The following HSD17B6 variants were observed in gnomAD, a reference collection of about 807,000 sequenced individuals.
HSD17B6 encodes the protein 17-beta-hydroxysteroid dehydrogenase type 6.
A neutral mutation model predicts 26.4 loss-of-function variants in HSD17B6; 16 were observed. That is an observed-to-expected ratio of 0.61 (90% CI 0.41 to 0.92). HSD17B6 has a LOEUF of 0.92. Ranked by LOEUF, HSD17B6 falls within the 40% of genes least tolerant of loss-of-function variation. The pLI is 0.00. For synonymous variants in HSD17B6, 139 were observed against 153.0 expected (o/e 0.91, Z 0.68); for missense variants, 357 against 386.1 (o/e 0.92, Z 0.63).
At chr12:56,768,656 GGTT>G (rs1478448047) in intron 1 of HSD17B6, among the ~76,000 whole-genome samples, 1 of 151,686 alleles carries the variant, frequency 6.6e-6, no homozygotes, top group Non-Finnish European at 1.5e-5. Flanking sequence ...GTAAACATGA[GGTT>G]GGGAAATTTT....
At chr12:56,783,727 G>T in intron 3 of HSD17B6, among the ~76,000 whole-genome samples, 1 of 146,910 alleles carries the variant, frequency 6.8e-6, no homozygotes, top group Admixed American at 6.7e-5. Context: ...GGGACGGCTG[G>T]CCGGGCAGAG....
chr12:56,769,608 G>T (rs1330389081), intron 1 of HSD17B6, among the ~76,000 whole-genome samples: 1 of 152,192 alleles, frequency 6.6e-6, no homozygotes, highest in African/African-American at 2.4e-5. Flanking sequence ...ACAATATGAT[G>T]TAAGAAAGCT....
chr12:56,766,213 ACT>A (rs575803712), intron 1 of HSD17B6, among the ~76,000 whole-genome samples: 31 of 151,200 alleles, frequency 2.1e-4, no homozygotes, highest in Admixed American at 5.9e-4. Context: ...CCCTTTGCTG[ACT>A]CTCTTTTCGG....
intron 1 of HSD17B6, among the ~76,000 whole-genome samples, chr12:56,769,105 T>G (rs1016796993): frequency 1.4e-5 from 2 of 146,140 alleles, no homozygotes; most frequent in Non-Finnish European, 3.0e-5. Context: ...TTTTCAAGGT[T>G]TTTTTTTTTT....
intron 1 of HSD17B6, among the ~76,000 whole-genome samples, chr12:56,773,230 T>C (rs772769126): frequency 1.3e-5 from 2 of 152,178 alleles, no homozygotes; most frequent in Non-Finnish European, 2.9e-5. Flanking sequence ...TCCACTGCCA[T>C]TGTGAGACAA....
Position 56,782,002 on chromosome 12 carries a change from C to T in HSD17B6, c.342C>T (p.Gly114=). The T allele has an allele frequency of 6.2e-7, 1 of 1,614,084 alleles. No individual in the cohort carries two copies. Among genetic ancestry groups the T allele is most frequent in the Non-Finnish European group, 8.5e-7 (1 of 1,179,968 alleles). Residue 114 remains glycine, a synonymous_variant, in exon 3 of 5, where the codon GGC becomes GGT. Transcript: ENST00000322165. ...TCTGGGGACTGGTGAACAATGCAGG[C>T]ATTCTTACACCAATTACCTTATGTG... is the stretch of plus-strand genomic sequence containing the variant. ...RGLWGLVNNA[G]ILTPITLCEW...
intron 1 of HSD17B6, among the ~76,000 whole-genome samples, chr12:56,769,821 G>A (rs541344967): frequency 5.0e-4 from 76 of 152,288 alleles, no homozygotes; most frequent in African/African-American, 1.8e-3. Context: ...AATATTCGAG[G>A]CACATTCAGG....
chr12:56,768,340 C>T (rs1329094330), intron 1 of HSD17B6, among the ~76,000 whole-genome samples: 2 of 151,910 alleles, frequency 1.3e-5, no homozygotes, highest in African/African-American at 4.8e-5. Flanking sequence ...GTGCAAGGAG[C>T]TCGTGGGTGG....
At chr12:56,786,641 G>A (rs908199233) in intron 4 of HSD17B6, among the ~76,000 whole-genome samples, 1 of 152,168 alleles carries the variant, frequency 6.6e-6, no homozygotes, top group African/African-American at 2.4e-5. Flanking sequence ...CTTGAGCCCA[G>A]GAATTCAAGA....
intron 1 of HSD17B6, among the ~76,000 whole-genome samples, chr12:56,767,557 A>T (rs937531163): frequency 6.8e-6 from 1 of 146,620 alleles, no homozygotes; most frequent in African/African-American, 2.5e-5. Flanking sequence ...CAAAAACAAA[A>T]TAATTGCATA....
intron 1 of HSD17B6, among the ~76,000 whole-genome samples, chr12:56,771,352 C>T (rs927576643): frequency 6.6e-6 from 1 of 151,974 alleles, no homozygotes; most frequent in African/African-American, 2.4e-5. Flanking sequence ...ATGATGGGAC[C>T]TGTCTTGTAG....
rs771218376 is a variant in HSD17B6, at chr12:56,787,244, G to T, written c.856G>T (p.Asp286Tyr). 1.2e-6 allele frequency: 2 copies of T among 1,614,104 alleles called. No individual in the cohort carries two copies. Among genetic ancestry groups the T allele is most frequent in the Non-Finnish European group, 1.7e-6 (2 of 1,179,952 alleles). ...GCGAACTCGATATTCAGCTGGCTGG[G>T]ATGCTAAATTTTTCTTCATCCCTCT... Reference protein sequence around the residue: ...HPRTRYSAGWDAKFFFIPLSY... With the variant: ...HPRTRYSAGWYAKFFFIPLSY... The change falls in exon 5 of 5, where the codon GAT becomes TAT. Residue 286 changes from aspartate (D) to tyrosine (Y), a missense_variant. Physicochemically the swap from Asp to Tyr is radical, Grantham distance 160. Coordinates refer to ENST00000322165, the MANE Select transcript of HSD17B6 (RefSeq NM_003725.4).
At chr12:56,769,532 C>G (rs898611) in intron 1 of HSD17B6, among the ~76,000 whole-genome samples, 2 of 151,916 alleles carry the variant, frequency 1.3e-5, no homozygotes, top group African/African-American at 4.8e-5. Flanking sequence ...TTTCTAGGCT[C>G]GACCTCAAAA....
chr12:56,778,158 G>T (rs903870355), intron 2 of HSD17B6, among the ~76,000 whole-genome samples: 1 of 152,094 alleles, frequency 6.6e-6, no homozygotes, highest in African/African-American at 2.4e-5. Flanking sequence ...TGTGCCCTTG[G>T]TTTCTTACTC....
intron 2 of HSD17B6, among the ~76,000 whole-genome samples, chr12:56,777,342 T>C (rs185711759): frequency 2.6e-5 from 4 of 151,920 alleles, no homozygotes; most frequent in Non-Finnish European, 5.9e-5. Context: ...GCCAACCACT[T>C]GCCTTGGCCT....
chr12:56,774,091 T>A lies in HSD17B6; in HGVS notation c.239T>A (p.Val80Glu), dbSNP rs759188141. The A allele has an allele frequency of 6.2e-7, 1 of 1,612,394 alleles. No individual in the cohort carries two copies. Reference sequence around the variant, plus strand: ...CAGACGTCTGACAGGCTGGAGACGGTGACCCTGGATGTTACCAAGATGGAG... The same window carrying A: ...CAGACGTCTGACAGGCTGGAGACGGAGACCCTGGATGTTACCAAGATGGAG... ...RGQTSDRLET[V>E]TLDVTKMESI... is the part of the protein sequence containing the mutation. Residue 80 changes from valine to glutamate, a missense_variant, in exon 2 of 5, where the codon GTG becomes GAG. Physicochemically the swap from Val to Glu is moderately radical, Grantham distance 121 (BLOSUM62 -2). Transcript: ENST00000322165.
chr12:56,768,290 G>C (rs1199505314), intron 1 of HSD17B6, among the ~76,000 whole-genome samples: 1 of 152,152 alleles, frequency 6.6e-6, no homozygotes, highest in African/African-American at 2.4e-5. Context: ...TTGGTGAGCT[G>C]TGAGAGAGTT....
At chr12:56,786,888 A>G (rs1290996854) in intron 4 of HSD17B6, among the ~76,000 whole-genome samples, 1 of 152,154 alleles carries the variant, frequency 6.6e-6, no homozygotes, top group Non-Finnish European at 1.5e-5. Flanking sequence ...AAAAAGAAAA[A>G]TGATTGAGTT....
At chr12:56,771,862 G>A (rs541904564) in intron 1 of HSD17B6, among the ~76,000 whole-genome samples, 6 of 152,104 alleles carry the variant, frequency 3.9e-5, no homozygotes, top group Non-Finnish European at 8.8e-5. Flanking sequence ...GGAACCTGGT[G>A]GGAGGTGATT....
Sources: gnomAD v4.1 joint callset for allele counts (sites outside exome capture counted in the v4.1 genomes callset) on GRCh38, gnomAD v4.1.1 for gene constraint, MANE v1.5 for transcripts, NCBI Gene and HGNC (gene_info 2026-07-23, HGNC 2026-07-21) for gene names.